The following COL15A1 variants were observed in gnomAD, a reference collection of about 807,000 sequenced individuals.
The protein encoded by COL15A1 is collagen alpha-1(XV) chain.
COL15A1 carries 111 observed loss-of-function variants against 165.9 expected under a neutral mutation model. That is an observed-to-expected ratio of 0.67 (90% CI 0.57 to 0.78). The LOEUF (loss-of-function observed/expected upper bound fraction) is 0.78. Ranked by LOEUF, COL15A1 falls within the 30% of genes least tolerant of loss-of-function variation. The probability of loss-of-function intolerance (pLI) is 0.00; values close to 1 mark genes in which losing one functional copy is unlikely to be tolerated. For synonymous variants in COL15A1, 659 were observed against 674.8 expected, an observed-to-expected ratio of 0.98 and a Z score of 0.36; for missense variants, 1,745 against 1,789.7, an observed-to-expected ratio of 0.98 and a Z score of 0.45.
At chr9:99,015,850 G>A (rs1008702191) in intron 10 of COL15A1, 126 bp from the exon 11 acceptor site, 3 of 1,146,542 alleles carry the variant, frequency 2.6e-6, no homozygotes, top group African/African-American at 1.5e-5. Context: ...TGTGCTGGGG[G>A]TAACGATGAT....
intron 2 of COL15A1, among the ~76,000 whole-genome samples, chr9:98,968,537 C>A (rs534721312): frequency 1.3e-5 from 2 of 152,176 alleles, no homozygotes; most frequent in South Asian, 4.2e-4. Context: ...TCTGTCAAAC[C>A]CCCTCCATGT....
chr9:99,025,553 CA>C (rs1328459726), intron 15 of COL15A1, among the ~76,000 whole-genome samples: 4 of 152,334 alleles, frequency 2.6e-5, no homozygotes, highest in African/African-American at 9.6e-5. Context: ...CATTGTAAGT[CA>C]AGAAGCGTCT....
chr9:98,999,699 T>A (rs1259841746), intron 6 of COL15A1, among the ~76,000 whole-genome samples: 2 of 151,744 alleles, frequency 1.3e-5, no homozygotes, highest in Non-Finnish European at 1.5e-5. Context: ...TTTTTATTTT[T>A]AGTAGAGATG....
At position 98,980,539 on chromosome 9, in the gene COL15A1, G is replaced by A. The variant is rs60293626; in HGVS notation, c.101-5026G>A. Reference sequence around the variant, plus strand: ...ATGGGGCACGCTGGGGCTGTGTCAGGCATGTCAGGGAGTAGGGAGTGCAGC... The same window carrying A: ...ATGGGGCACGCTGGGGCTGTGTCAGACATGTCAGGGAGTAGGGAGTGCAGC... On this transcript the variant is annotated intron_variant, in intron 2 of 41. Coordinates refer to ENST00000375001, the MANE Select transcript of COL15A1 (RefSeq NM_001855.5). Among the ~76,000 whole-genome samples, 1,068 of 152,292 alleles carry A rather than the reference G, an allele frequency of 7.0e-3. 17 individuals carry two copies. Among genetic ancestry groups the A allele is most frequent in the African/African-American group, 0.024 (1,016 of 41,548 alleles).
intron 36 of COL15A1, among the ~76,000 whole-genome samples, chr9:99,060,644 G>T (rs905604538): frequency 6.6e-6 from 1 of 152,084 alleles, no homozygotes; most frequent in Non-Finnish European, 1.5e-5. Flanking sequence ...CCAGCACTTT[G>T]AGAGGCTGAA....
chr9:99,054,694 T>C (rs1825687502), intron 32 of COL15A1, 38 bp downstream of exon 32: 1 of 1,587,758 alleles, frequency 6.3e-7, no homozygotes, highest in Non-Finnish European at 8.5e-7. Flanking sequence ...CCTTTGATTT[T>C]TTGCTCCTGA....
chr9:99,062,171 G>T, intron 37 of COL15A1, 72 bp downstream of exon 37: 1 of 1,599,966 alleles, frequency 6.3e-7, no homozygotes. Context: ...TCCCATAAAT[G>T]CCATTTTTTT....
intron 13 of COL15A1, 90 bp from the exon 14 acceptor site, chr9:99,023,267 A>G (rs1462414235): frequency 4.8e-6 from 7 of 1,459,138 alleles, no homozygotes; most frequent in Non-Finnish European, 6.4e-6. Context: ...TATAGGAAAC[A>G]TTTCCCCATT....
At chr9:99,062,696 T>C (rs1825835662) in intron 38 of COL15A1, among the ~76,000 whole-genome samples, 1 of 152,218 alleles carries the variant, frequency 6.6e-6, no homozygotes, top group South Asian at 2.1e-4. Flanking sequence ...CCTAGAGCAA[T>C]GCTTTGAGGT....
intron 2 of COL15A1, among the ~76,000 whole-genome samples, chr9:98,961,208 C>G (rs896128433): frequency 1.3e-5 from 2 of 152,164 alleles, no homozygotes; most frequent in Non-Finnish European, 2.9e-5. Flanking sequence ...GTGTGATATC[C>G]TGGGCAGAAA....
intron 2 of COL15A1, among the ~76,000 whole-genome samples, chr9:98,974,800 G>A (rs1344480797): frequency 2.0e-5 from 3 of 152,214 alleles, no homozygotes; most frequent in Non-Finnish European, 4.4e-5. Flanking sequence ...CGTTTAAGCT[G>A]ACTGAAGTGT....
At chr9:98,949,120 C>T (rs528105844) in intron 2 of COL15A1, among the ~76,000 whole-genome samples, 1 of 152,218 alleles carries the variant, frequency 6.6e-6, no homozygotes, top group South Asian at 2.1e-4. Flanking sequence ...TTCTGTTTTA[C>T]TCGATTTTGA....
At position 98,952,504 on chromosome 9, in the gene COL15A1, A is replaced by T. The variant is rs76427780; in HGVS notation, c.100+8254A>T. On this transcript the variant is annotated intron_variant, in intron 2 of 41. Transcript: ENST00000375001. ...AGCTAAATATGTAAGTTGATTTTCC[A>T]GTTTTCTTTTGATATCTACAGCTTG... 9.2e-3 allele frequency among the ~76,000 whole-genome samples: 1,404 copies of T among 152,196 alleles called. 14 individuals carry two copies. The highest frequency in any genetic ancestry group is 0.036 in the East Asian group (186 of 5,180).
At chr9:98,966,476 G>A (rs971054133) in intron 2 of COL15A1, among the ~76,000 whole-genome samples, 1 of 152,166 alleles carries the variant, frequency 6.6e-6, no homozygotes, top group Non-Finnish European at 1.5e-5. Flanking sequence ...TCTGACACCC[G>A]GATAGGCCAT....
chr9:98,952,587 A>G (rs971762668), intron 2 of COL15A1, among the ~76,000 whole-genome samples: 3 of 151,820 alleles, frequency 2.0e-5, no homozygotes, highest in Admixed American at 6.6e-5. Flanking sequence ...AAGTCTCTCT[A>G]TGTTGCCCAG....
At position 99,035,142 on chromosome 9, in the gene COL15A1, A is replaced by G; in HGVS notation, c.2208A>G (p.Gly736=). 5 of 1,595,612 alleles carry G rather than the reference A, an allele frequency of 3.1e-6. No individual in the cohort carries two copies. The highest frequency in any genetic ancestry group is 4.3e-6 in the Non-Finnish European group (5 of 1,173,346). The change falls in exon 18 of 42, where the codon GGA becomes GGG. Residue 736 remains glycine, a synonymous_variant. Coordinates refer to ENST00000375001, the MANE Select transcript of COL15A1 (RefSeq NM_001855.5). ...PGPPGPGCTM[G]LGFEDTEGSG... is the part of the protein sequence containing the mutation. Reference sequence around the variant, plus strand: ...CCCCAGGCCCTGGATGCACAATGGGACTTGGATTCGAGGTACTTTTCCCCT... The same window carrying G: ...CCCCAGGCCCTGGATGCACAATGGGGCTTGGATTCGAGGTACTTTTCCCCT...
At position 99,049,865 on chromosome 9, in the gene COL15A1, A is replaced by C. The variant is rs750278355; in HGVS notation, c.2874A>C (p.Pro958=). The change falls in exon 30 of 42, where the codon CCA becomes CCC. Residue 958 remains proline, a synonymous_variant. Coordinates refer to ENST00000375001, the MANE Select transcript of COL15A1 (RefSeq NM_001855.5). ...AVINIKGAIF[P]IPVRPHCKMP... ...CTCATTACCCACAGGCCATTTTCCCAATACCCGTCCGACCACACTGCAAAA... is the reference window on the plus strand; with the variant it reads ...CTCATTACCCACAGGCCATTTTCCCCATACCCGTCCGACCACACTGCAAAA... 8.1e-6 allele frequency: 13 copies of C among 1,614,238 alleles called. No homozygotes were observed. The highest frequency in any genetic ancestry group is 1.6e-4 in the Middle Eastern group (1 of 6,062).
chr9:98,949,897 A>C (rs1355105168), intron 2 of COL15A1, among the ~76,000 whole-genome samples: 2 of 152,126 alleles, frequency 1.3e-5, no homozygotes, highest in African/African-American at 4.8e-5. Context: ...GCCTCTATGG[A>C]CTTGCCTATT....
Position 99,063,654 on chromosome 9 carries a change from T to A in COL15A1, c.3651+545T>A, listed in dbSNP as rs139253680. Among the ~76,000 whole-genome samples the A allele has an allele frequency of 4.6e-5, 7 of 152,194 alleles. No homozygotes were observed. The East Asian group carries it at 1.3e-3, about 29-fold the overall frequency. Reference sequence around the variant, plus strand: ...TATGACAACACTAGTGTTTCAGAAATTACCTTGGCTACAGTGTGCAGATTA... The same window carrying A: ...TATGACAACACTAGTGTTTCAGAAAATACCTTGGCTACAGTGTGCAGATTA... On this transcript the variant is annotated intron_variant, in intron 39 of 41. Transcript: ENST00000375001.
Sources: gnomAD v4.1 joint callset for allele counts (sites outside exome capture counted in the v4.1 genomes callset) on GRCh38, gnomAD v4.1.1 for gene constraint, MANE v1.5 for transcripts, NCBI Gene and HGNC (gene_info 2026-07-23, HGNC 2026-07-21) for gene names.